Variants in FCHO2 observed in about 807,000 individuals in gnomAD.
FCHO2 encodes the protein F-BAR domain only protein 2.
FCHO2 carries 43 observed loss-of-function variants against 114.1 expected under a neutral mutation model. The ratio of observed to expected loss-of-function variants is 0.38; its 90% CI spans 0.30 to 0.49. The LOEUF (loss-of-function observed/expected upper bound fraction) is 0.49. FCHO2 is among the 20% of genes least tolerant of loss of function. The pLI is 0.97. For missense variants in FCHO2, 807 were observed against 950.4 expected, an observed-to-expected ratio of 0.85 and a Z score of 1.98; for synonymous variants, 293 against 315.2, an observed-to-expected ratio of 0.93 and a Z score of 0.75.
In FCHO2 at chr5:73,015,700, G is replaced by A; in HGVS notation, c.675G>A (p.Lys225=). 6.3e-7 allele frequency: 1 copy of A among 1,577,604 alleles called. No individual in the cohort carries two copies. Among genetic ancestry groups the A allele is most frequent in the Non-Finnish European group, 8.6e-7 (1 of 1,167,924 alleles). The change falls in exon 7 of 26, where the codon AAG becomes AAA. Residue 225 remains lysine, a synonymous_variant. Coordinates refer to ENST00000430046, the MANE Select transcript of FCHO2 (RefSeq NM_138782.3). ...EIIGSLSNAI[K]EIHLQIGQVH... ...TAGGATCCTTGTCAAATGCTATAAA[G>A]GAAATTCATTTGCAGATAGGCCAGG...
chr5:73,080,220 G>A lies in FCHO2; in HGVS notation c.1981-1563G>A, dbSNP rs189000138. On this transcript the variant is annotated intron_variant, in intron 22 of 25. Transcript: ENST00000430046. ...CTTCATGTCAGTAGTAATGAGAGCA[G>A]TCAATACTAAGATAACAATGAGGTG... 1.2e-4 allele frequency among the ~76,000 whole-genome samples: 18 copies of A among 152,322 alleles called. No homozygotes were observed. In the East Asian group the frequency reaches 3.3e-3, roughly 28 times the overall value.
intron 2 of FCHO2, among the ~76,000 whole-genome samples, chr5:72,973,564 T>G (rs1217634165): frequency 6.6e-6 from 1 of 151,910 alleles, no homozygotes; most frequent in East Asian, 1.9e-4. Context: ...TTTATCATTT[T>G]TTATTGCGTC....
intron 2 of FCHO2, among the ~76,000 whole-genome samples, chr5:72,976,669 A>G (rs1478380963): frequency 6.6e-6 from 1 of 152,042 alleles, no homozygotes; most frequent in East Asian, 1.9e-4. Flanking sequence ...ATAGGTGCGA[A>G]CGTGCAGGGT....
rs779162983 is a variant in FCHO2, at chr5:73,020,976, A to G, written c.796+3668A>G. 11 of 1,596,608 alleles carry G rather than the reference A, an allele frequency of 6.9e-6. No individual in the cohort carries two copies. The East Asian group carries it at 1.3e-4, about 19-fold the overall frequency. On this transcript the variant is annotated intron_variant, in intron 8 of 25. Transcript: ENST00000430046. ...TTCGGCTGTTGAGTGGTTCGGGTCC[A>G]TTCACATCTTTGCTCTTTTCATTAT...
chr5:72,995,978 C>T (rs952770212), intron 5 of FCHO2, among the ~76,000 whole-genome samples: 1 of 152,024 alleles, frequency 6.6e-6, no homozygotes. Context: ...CATGGTGGCT[C>T]ACACTTGTAA....
chr5:73,074,166 G>A (rs2112884618), intron 19 of FCHO2, among the ~76,000 whole-genome samples: 1 of 150,792 alleles, frequency 6.6e-6, no homozygotes, highest in Admixed American at 6.6e-5. Context: ...TCTTATCTGA[G>A]TGAACTTTGG....
At chr5:73,005,780 T>G (rs894943171) in intron 5 of FCHO2, among the ~76,000 whole-genome samples, 2 of 152,206 alleles carry the variant, frequency 1.3e-5, no homozygotes, top group African/African-American at 4.8e-5. Context: ...TGTACAGTAC[T>G]GCTTAATATG....
chr5:72,997,481 G>C, intron 5 of FCHO2: 1 of 1,529,092 alleles, frequency 6.5e-7, no homozygotes, highest in Non-Finnish European at 9.1e-7. Flanking sequence ...CTCTCCAGGG[G>C]TTTACAGGAG....
chr5:73,015,703 A>G lies in FCHO2; in HGVS notation c.678A>G (p.Glu226=). Residue 226 remains glutamate (E), a synonymous_variant, in exon 7 of 26, where the codon GAA becomes GAG. Coordinates refer to ENST00000430046, the MANE Select transcript of FCHO2 (RefSeq NM_138782.3). ...IIGSLSNAIK[E]IHLQIGQVHE... ...GATCCTTGTCAAATGCTATAAAGGAAATTCATTTGCAGATAGGCCAGGTAA... is the reference window on the plus strand; with the variant it reads ...GATCCTTGTCAAATGCTATAAAGGAGATTCATTTGCAGATAGGCCAGGTAA... 6.3e-7 allele frequency: 1 copy of G among 1,578,640 alleles called. No individual in the cohort carries two copies.
chr5:73,061,285 A>C (rs528177885), intron 17 of FCHO2, among the ~76,000 whole-genome samples: 1 of 152,066 alleles, frequency 6.6e-6, no homozygotes, highest in Non-Finnish European at 1.5e-5. Flanking sequence ...TCAGTTTTTC[A>C]TATGCATTTT....
chr5:72,994,469 A>G (rs1175649128), intron 5 of FCHO2, among the ~76,000 whole-genome samples: 1 of 152,196 alleles, frequency 6.6e-6, no homozygotes, highest in East Asian at 1.9e-4. Context: ...CTATTATTAA[A>G]AAGTCAAATA....
intron 6 of FCHO2, among the ~76,000 whole-genome samples, chr5:73,013,374 A>G (rs1755123263): frequency 6.6e-6 from 1 of 152,210 alleles, no homozygotes; most frequent in African/African-American, 2.4e-5. Context: ...CAGGGAATTA[A>G]ATTTCATAAA....
chr5:72,996,040 C>A (rs1754074674), intron 5 of FCHO2, among the ~76,000 whole-genome samples: 1 of 151,956 alleles, frequency 6.6e-6, no homozygotes, highest in South Asian at 2.1e-4. Flanking sequence ...GTCAGGAATT[C>A]AAGACTAGCC....
Position 72,990,630 on chromosome 5 carries a change from T to C in FCHO2, c.342+11T>C. The C allele has an allele frequency of 6.5e-7, 1 of 1,528,580 alleles. No individual in the cohort carries two copies. The highest frequency in any genetic ancestry group is 8.8e-7 in the Non-Finnish European group (1 of 1,142,642). 94.7% of individuals were successfully genotyped at this position (1,528,580 alleles called of 1,614,324 possible). A position where few individuals can be genotyped will look rare whatever the true frequency, so the allele number is the denominator to read the frequency against. On this transcript the variant is annotated intron_variant, in intron 4 of 25. Transcript: ENST00000430046. The stretch of plus-strand genomic sequence containing the variant: ...AAGTCTCATAAAAAGGTATCAGTTT[T>C]TTTCTTGTTAAATAATTGATTGGTC...
chr5:72,967,699 A>T (rs1275443455), intron 1 of FCHO2, among the ~76,000 whole-genome samples: 1 of 152,148 alleles, frequency 6.6e-6, no homozygotes, highest in East Asian at 1.9e-4. Context: ...AGCTCACTGC[A>T]ACCTCCACCT....
At chr5:72,976,195 T>C (rs570676216) in intron 2 of FCHO2, among the ~76,000 whole-genome samples, 2 of 152,320 alleles carry the variant, frequency 1.3e-5, no homozygotes, top group African/African-American at 4.8e-5. Context: ...TATCTTATCA[T>C]TGTTTTAATT....
intron 19 of FCHO2, among the ~76,000 whole-genome samples, chr5:73,072,517 G>A (rs1440554223): frequency 6.6e-6 from 1 of 152,004 alleles, no homozygotes; most frequent in Non-Finnish European, 1.5e-5. Context: ...GTCCATTGTT[G>A]GATGAATGGA....
intron 22 of FCHO2, among the ~76,000 whole-genome samples, chr5:73,079,494 G>A (rs1462571576): frequency 1.3e-5 from 2 of 152,082 alleles, no homozygotes; most frequent in African/African-American, 4.8e-5. Flanking sequence ...ATGATGTTGA[G>A]GATAGCAAGC....
chr5:73,050,314 T>C (rs1218273548), intron 11 of FCHO2, among the ~76,000 whole-genome samples: 1 of 150,772 alleles, frequency 6.6e-6, no homozygotes, highest in African/African-American at 2.4e-5. Flanking sequence ...ATTTATTTAT[T>C]TATTTATTTA....
Sources: allele counts gnomAD v4.1 joint callset (sites outside exome capture counted in the v4.1 genomes callset), GRCh38; gene constraint gnomAD v4.1.1; transcripts MANE v1.5; gene names NCBI Gene and HGNC (gene_info 2026-07-23, HGNC 2026-07-21).